PLEKHA7: variants seen among roughly 807,000 people sequenced by gnomAD.
PLEKHA7 encodes the protein pleckstrin homology domain containing A7.
In PLEKHA7, 104 loss-of-function variants were observed where a neutral mutation model predicts 170.0. The ratio of observed to expected loss-of-function variants is 0.61; its 90% CI spans 0.52 to 0.72. PLEKHA7 has a LOEUF of 0.72. PLEKHA7 is among the 30% of genes least tolerant of loss of function. The pLI, the probability that PLEKHA7 is intolerant of heterozygous loss-of-function variation, is 0.00. For missense variants in PLEKHA7, 1,615 were observed against 1,671.7 expected, an observed-to-expected ratio of 0.97 and a Z score of 0.59; for synonymous variants, 648 against 660.8, an observed-to-expected ratio of 0.98 and a Z score of 0.30.
intron 3 of PLEKHA7, among the ~76,000 whole-genome samples, chr11:16,901,607 G>A (rs775601486): frequency 6.6e-5 from 10 of 152,160 alleles, no homozygotes; most frequent in Non-Finnish European, 1.2e-4. Flanking sequence ...GGTGGCTCAC[G>A]CCTGTAATCC....
Position 16,791,077 on chromosome 11 carries a change from G to A in PLEKHA7, c.2868C>T (p.Leu956=), listed in dbSNP as rs745599614. The A allele has an allele frequency of 3.1e-6, 5 of 1,614,036 alleles. No homozygotes were observed. The African/African-American group carries it at 6.7e-5, about 22-fold the overall frequency. Residue 956 remains leucine, a synonymous_variant, in exon 20 of 27, where the codon CTC becomes CTT. Transcript: ENST00000531066. The surrounding 1 kb of genome is among the most constrained non-coding windows in gnomAD (Gnocchi z 4.5). ...TIIRHTSVRG[L]KRQSDERKRD... ...GCTTCCTCTCGTCTGACTGCCGCTT[G>A]AGGCCCCGCACAGATGTGTGCCGGA... is the stretch of plus-strand genomic sequence containing the variant.
chr11:16,853,083 C>A (rs943917983), intron 6 of PLEKHA7, among the ~76,000 whole-genome samples: 1 of 152,158 alleles, frequency 6.6e-6, no homozygotes, highest in East Asian at 1.9e-4. Flanking sequence ...TGGCTGTTCA[C>A]GTCTGTACTG....
intron 9 of PLEKHA7, among the ~76,000 whole-genome samples, chr11:16,829,293 G>A (rs937879294): frequency 2.6e-5 from 4 of 152,024 alleles, no homozygotes; most frequent in Non-Finnish European, 4.4e-5. Context: ...ATGATTACAA[G>A]CGTGAGCCAC....
At chr11:16,804,996 A>G (rs1215200661) in intron 13 of PLEKHA7, among the ~76,000 whole-genome samples, 1 of 152,166 alleles carries the variant, frequency 6.6e-6, no homozygotes, top group African/African-American at 2.4e-5. Flanking sequence ...AACTCAGGGG[A>G]ACCCAGGAGA....
intron 10 of PLEKHA7, among the ~76,000 whole-genome samples, chr11:16,818,654 G>T (rs958602460): frequency 6.6e-6 from 1 of 152,156 alleles, no homozygotes; most frequent in African/African-American, 2.4e-5. Context: ...TGAAAGACAG[G>T]AACTGTGTTT....
intron 5 of PLEKHA7, among the ~76,000 whole-genome samples, chr11:16,855,454 C>T (rs1035961993): frequency 1.3e-5 from 2 of 152,198 alleles, no homozygotes; most frequent in East Asian, 3.9e-4. Flanking sequence ...CTGGGTCCTT[C>T]CCAAGGGCAC....
chr11:16,799,808 G>C (rs11604652), intron 17 of PLEKHA7, among the ~76,000 whole-genome samples: 5,883 of 152,318 alleles, frequency 0.039, 220 homozygotes, highest in East Asian at 0.17. Flanking sequence ...GCAGGAGATA[G>C]ACAAGTGCTG....
intron 9 of PLEKHA7, among the ~76,000 whole-genome samples, chr11:16,827,909 G>T (rs752513947): frequency 1.0e-4 from 15 of 149,774 alleles, no homozygotes; most frequent in South Asian, 6.5e-4. Flanking sequence ...ATCTCAACAT[G>T]AGAGTACATA....
chr11:16,823,961 A>G (rs1850437974), intron 10 of PLEKHA7, among the ~76,000 whole-genome samples: 1 of 152,236 alleles, frequency 6.6e-6, no homozygotes, highest in Non-Finnish European at 1.5e-5. Context: ...GCAACAACAT[A>G]GATGGAACTG....
intron 3 of PLEKHA7, among the ~76,000 whole-genome samples, chr11:17,000,338 C>T (rs1395193187): frequency 6.6e-6 from 1 of 152,202 alleles, no homozygotes; most frequent in Non-Finnish European, 1.5e-5. Flanking sequence ...AAGTGATCCA[C>T]CTGCCTCAGC....
At position 16,997,340 on chromosome 11, in the gene PLEKHA7, G is replaced by GT. The variant is rs572670611; in HGVS notation, c.221+16648dup. ...GTCTTCAGGAAAGCATTAGAGTGAG[G>GT]TTTTCATGCTGAGTCTCAAAATGCC... On this transcript the variant is annotated intron_variant, in intron 3 of 26. Transcript: ENST00000531066. Among the ~76,000 whole-genome samples, 192 of 152,288 alleles carry GT rather than the reference G, an allele frequency of 1.3e-3. 2 individuals carry two copies. The highest frequency in any genetic ancestry group is 4.5e-3 in the African/African-American group (185 of 41,538).
rs535915598 is a variant in PLEKHA7, at chr11:16,878,023, G to A, written c.222-6841C>T. On this transcript the variant is annotated intron_variant, in intron 3 of 26. Transcript: ENST00000531066. ...CATTTTAACAGGGCAAGAATAGAAT[G>A]AGCCTCCCTTCCCCGCAAACTCAAT... Among the ~76,000 whole-genome samples, 8 of 152,246 alleles carry A rather than the reference G, an allele frequency of 5.3e-5. No homozygotes were observed. In the South Asian group the frequency reaches 1.7e-3, roughly 32 times the overall value.
intron 3 of PLEKHA7, among the ~76,000 whole-genome samples, chr11:16,961,305 A>G (rs1862044517): frequency 6.6e-6 from 1 of 152,198 alleles, no homozygotes; most frequent in Non-Finnish European, 1.5e-5. Flanking sequence ...AGGGCTGTGG[A>G]AAGGCCGCCC....
chr11:16,866,158 A>C (rs529623724), intron 4 of PLEKHA7, among the ~76,000 whole-genome samples: 7 of 151,958 alleles, frequency 4.6e-5, no homozygotes, highest in Non-Finnish European at 1.0e-4. Context: ...TCTTCTCAGG[A>C]ACATAATAAA....
intron 8 of PLEKHA7, among the ~76,000 whole-genome samples, chr11:16,850,304 G>A (rs1416569774): frequency 4.6e-5 from 7 of 152,332 alleles, no homozygotes; most frequent in Non-Finnish European, 1.0e-4. Context: ...CCAGCTTGAC[G>A]TGTACGACAT....
chr11:16,987,104 T>C (rs1863776066), intron 3 of PLEKHA7, among the ~76,000 whole-genome samples: 3 of 152,320 alleles, frequency 2.0e-5, no homozygotes, highest in South Asian at 4.1e-4. Flanking sequence ...CTCCTGTGTA[T>C]TCCATAATCT....
At chr11:16,846,116 C>A (rs987081337) in intron 8 of PLEKHA7, among the ~76,000 whole-genome samples, 2 of 152,094 alleles carry the variant, frequency 1.3e-5, no homozygotes, top group South Asian at 2.1e-4. Context: ...GAAACCCAGT[C>A]TCTACTAAAA....
chr11:16,795,082 T>C, intron 17 of PLEKHA7, 64 bp from the exon 18 acceptor site: 2 of 1,194,292 alleles, frequency 1.7e-6, no homozygotes, highest in Non-Finnish European at 2.5e-6. Flanking sequence ...TTAGGACTTA[T>C]CCTACCATTT....
chr11:16,795,087 C>T, intron 17 of PLEKHA7, 69 bp from the exon 18 acceptor site: 1 of 1,141,198 alleles, frequency 8.8e-7, no homozygotes, highest in Non-Finnish European at 1.3e-6. Flanking sequence ...ACTTATCCTA[C>T]CATTTCAGAC....
Sources: gnomAD v4.1 joint callset for allele counts (sites outside exome capture counted in the v4.1 genomes callset) on GRCh38, gnomAD v4.1.1 for gene constraint, Gnocchi (gnomAD v3.1) non-coding constraint, MANE v1.5 for transcripts, NCBI Gene and HGNC (gene_info 2026-07-23, HGNC 2026-07-21) for gene names.